The following LRP1B variants were observed in gnomAD, a reference collection of about 807,000 sequenced individuals.
The protein encoded by LRP1B is LDL receptor related protein 1B, also known as low-density lipoprotein receptor-related protein 1B.
LRP1B carries 217 observed loss-of-function variants against 556.6 expected under a neutral mutation model. The ratio of observed to expected loss-of-function variants is 0.39; its 90% CI spans 0.35 to 0.44. The LOEUF (loss-of-function observed/expected upper bound fraction) is 0.44, where lower values mean the gene tolerates loss of function less well. LRP1B is among the 20% of genes least tolerant of loss of function. The pLI is 1.00. For missense variants in LRP1B, 5,053 were observed against 5,620.8 expected, an observed-to-expected ratio of 0.90 and a Z score of 3.23; for synonymous variants, 2,047 against 1,865.8, an observed-to-expected ratio of 1.10 and a Z score of -2.50.
At chr2:142,047,941 A>T (rs1366021969) in intron 1 of LRP1B, among the ~76,000 whole-genome samples, 1 of 151,950 alleles carries the variant, frequency 6.6e-6, no homozygotes, top group Non-Finnish European at 1.5e-5. Flanking sequence ...AAATTCTGGG[A>T]TTTTGTGTTC....
intron 79 of LRP1B, among the ~76,000 whole-genome samples, chr2:140,329,729 C>T (rs1454218995): frequency 6.6e-6 from 1 of 151,780 alleles, no homozygotes; most frequent in Non-Finnish European, 1.5e-5. Context: ...CAAACCACTG[C>T]TCAAGGGAAC....
At chr2:141,395,658 T>A (rs538442960) in intron 3 of LRP1B, among the ~76,000 whole-genome samples, 55 of 152,184 alleles carry the variant, frequency 3.6e-4, no homozygotes, top group Middle Eastern at 3.4e-3. Context: ...TGATGTAGAT[T>A]CTTAAAACCC....
At chr2:140,576,921 T>A (rs1052037268) in intron 43 of LRP1B, among the ~76,000 whole-genome samples, 1 of 152,224 alleles carries the variant, frequency 6.6e-6, no homozygotes, top group Non-Finnish European at 1.5e-5. Flanking sequence ...GATGTTCTCC[T>A]GAGTTTTTAA....
intron 3 of LRP1B, among the ~76,000 whole-genome samples, chr2:141,443,515 C>A (rs1489548019): frequency 6.6e-6 from 1 of 152,042 alleles, no homozygotes. Context: ...CATTCCTGTC[C>A]TGAATGGTAT....
At chr2:141,398,540 T>C (rs1305093560) in intron 3 of LRP1B, among the ~76,000 whole-genome samples, 2 of 152,124 alleles carry the variant, frequency 1.3e-5, no homozygotes, top group Non-Finnish European at 2.9e-5. Flanking sequence ...GACACTACTA[T>C]TGTTCTCATT....
At chr2:141,036,036 A>C (rs1698524021) in intron 11 of LRP1B, among the ~76,000 whole-genome samples, 1 of 152,142 alleles carries the variant, frequency 6.6e-6, no homozygotes, top group African/African-American at 2.4e-5. Context: ...AGAAAGCCAC[A>C]AAAGAATAAC....
At chr2:141,363,457 A>C (rs551114039) in intron 3 of LRP1B, among the ~76,000 whole-genome samples, 1 of 152,110 alleles carries the variant, frequency 6.6e-6, no homozygotes, top group Non-Finnish European at 1.5e-5. Context: ...TTTTTCAAAA[A>C]TGTCTCTTAT....
chr2:140,763,121 T>C (rs1462160531), intron 35 of LRP1B, among the ~76,000 whole-genome samples: 2 of 152,092 alleles, frequency 1.3e-5, no homozygotes. Flanking sequence ...TCACATATCT[T>C]TAGGGGTGTT....
intron 7 of LRP1B, among the ~76,000 whole-genome samples, chr2:141,103,105 G>T (rs1355392153): frequency 2.0e-5 from 3 of 151,618 alleles, no homozygotes; most frequent in African/African-American, 4.8e-5. Context: ...TGAAGTACAT[G>T]TCAACAGTGG....
chr2:140,715,935 C>A (rs895003372), intron 37 of LRP1B, 38 bp downstream of exon 37: 2 of 1,470,548 alleles, frequency 1.4e-6, no homozygotes, highest in Non-Finnish European at 1.8e-6. Flanking sequence ...AGAAAACTCA[C>A]ATAAAACTTG....
At chr2:140,462,912 G>A (rs1687381241) in intron 60 of LRP1B, among the ~76,000 whole-genome samples, 1 of 152,148 alleles carries the variant, frequency 6.6e-6, no homozygotes, top group South Asian at 2.1e-4. Flanking sequence ...GAGAGACCCT[G>A]ACACTAATAA....
chr2:141,686,887 G>A (rs983755158), intron 2 of LRP1B, among the ~76,000 whole-genome samples: 2 of 151,938 alleles, frequency 1.3e-5, no homozygotes, highest in Non-Finnish European at 2.9e-5. Context: ...CAGCCCCCTA[G>A]CCATGTGATG....
intron 51 of LRP1B, among the ~76,000 whole-genome samples, chr2:140,511,737 A>G (rs2104923541): frequency 2.0e-5 from 3 of 152,326 alleles, no homozygotes; most frequent in South Asian, 4.1e-4. Flanking sequence ...TCTATTTAAT[A>G]GAATGGAGTT....
intron 1 of LRP1B, among the ~76,000 whole-genome samples, chr2:141,827,398 G>A (rs929836297): frequency 1.3e-5 from 2 of 152,132 alleles, no homozygotes; most frequent in Admixed American, 1.3e-4. Flanking sequence ...TTTTAAATAG[G>A]AGGGGAAGTC....
intron 7 of LRP1B, among the ~76,000 whole-genome samples, chr2:141,138,940 TAA>T (rs1414464113): frequency 4.6e-5 from 7 of 151,966 alleles, no homozygotes; most frequent in Non-Finnish European, 7.4e-5. Flanking sequence ...ATTGGATAGA[TAA>T]GAGTGCCTAA....
At chr2:140,607,508 G>C (rs1344678146) in intron 41 of LRP1B, among the ~76,000 whole-genome samples, 1 of 151,850 alleles carries the variant, frequency 6.6e-6, no homozygotes, top group Non-Finnish European at 1.5e-5. Context: ...ACCAAAAGAA[G>C]AAACAGCCCA....
chr2:140,289,393 C>T (rs1301838258), intron 84 of LRP1B, among the ~76,000 whole-genome samples: 1 of 151,908 alleles, frequency 6.6e-6, no homozygotes, highest in East Asian at 1.9e-4. Context: ...AACTTTTATA[C>T]TGATAAATCC....
intron 2 of LRP1B, among the ~76,000 whole-genome samples, chr2:141,787,904 C>T (rs534906470): frequency 3.3e-5 from 5 of 151,966 alleles, no homozygotes; most frequent in African/African-American, 4.8e-5. Flanking sequence ...TTTTACTTTT[C>T]CATAAGTTTA....
In LRP1B at chr2:140,931,584, G is replaced by C. The variant is rs142187959; in HGVS notation, c.3137-8437C>G. On this transcript the variant is annotated intron_variant, in intron 20 of 90. Coordinates refer to ENST00000389484, the MANE Select transcript of LRP1B (RefSeq NM_018557.3). ...TGGAAAATAATGTGTGGATAACTAG[G>C]CAGAAGTTAAATTATCTTTAGTGTT... 1.1e-3 allele frequency among the ~76,000 whole-genome samples: 164 copies of C among 152,242 alleles called. 1 individual carries two copies. The highest frequency in any genetic ancestry group is 3.6e-3 in the African/African-American group (151 of 41,564).
Sources: allele counts gnomAD v4.1 joint callset (sites outside exome capture counted in the v4.1 genomes callset), GRCh38; gene constraint gnomAD v4.1.1; transcripts MANE v1.5; gene names NCBI Gene and HGNC (gene_info 2026-07-23, HGNC 2026-07-21).